The following CSMD3 variants were observed in gnomAD, a reference collection of about 807,000 sequenced individuals.
CSMD3 encodes the protein CUB and sushi domain-containing protein 3.
A neutral mutation model predicts 435.2 loss-of-function variants in CSMD3; 177 were observed. The ratio of observed to expected loss-of-function variants is 0.41; its 90% confidence interval spans 0.36 to 0.46. The LOEUF is 0.46. Ranked by LOEUF, CSMD3 falls within the 20% of genes least tolerant of loss-of-function variation. CSMD3 has a pLI of 0.34. For synonymous variants in CSMD3, 1,656 were observed against 1,520.5 expected, an observed-to-expected ratio of 1.09 and a Z score of -2.07; for missense variants, 4,265 against 4,504.6, an observed-to-expected ratio of 0.95 and a Z score of 1.52.
intron 32 of CSMD3, among the ~76,000 whole-genome samples, chr8:112,448,277 T>C (rs1815850989): frequency 6.6e-6 from 1 of 152,168 alleles, no homozygotes; most frequent in Non-Finnish European, 1.5e-5. Flanking sequence ...GCCCCACCTT[T>C]ATGGCCTCAT....
intron 3 of CSMD3, among the ~76,000 whole-genome samples, chr8:113,204,956 C>G (rs1049136099): frequency 6.7e-5 from 10 of 150,114 alleles, no homozygotes; most frequent in African/African-American, 2.5e-4. Context: ...TGGCAGCAGG[C>G]AAAAAGAGAG....
chr8:113,044,693 C>T (rs2087758681), intron 5 of CSMD3, among the ~76,000 whole-genome samples: 1 of 148,884 alleles, frequency 6.7e-6, no homozygotes, highest in African/African-American at 2.4e-5. Flanking sequence ...ATAAATGTGG[C>T]CCACATGTTA....
intron 12 of CSMD3, among the ~76,000 whole-genome samples, chr8:112,809,791 A>T (rs916782902): frequency 6.7e-6 from 1 of 148,562 alleles, no homozygotes; most frequent in Non-Finnish European, 1.5e-5. Flanking sequence ...ATTTAAGTTA[A>T]AAAAAAACTT....
At chr8:112,241,935 C>G (rs1340479798) in intron 65 of CSMD3, 150 bp from the exon 66 acceptor site, 1 of 700,374 alleles carries the variant, frequency 1.4e-6, no homozygotes, top group Non-Finnish European at 2.6e-6. Context: ...CTAAAATGTT[C>G]CGTTCATCAC....
Position 112,263,247 on chromosome 8 carries a change from T to C in CSMD3, c.9862+392A>G, listed in dbSNP as rs560098116. Reference sequence around the variant, plus strand: ...CCAATCATTATCATGACAAATGCCATCATAAGAACTTTATTTGAATAAACA... The same window carrying C: ...CCAATCATTATCATGACAAATGCCACCATAAGAACTTTATTTGAATAAACA... On this transcript the variant is annotated intron_variant, in intron 61 of 70. Transcript: ENST00000297405. Among the ~76,000 whole-genome samples, 270 of 151,860 alleles carry C rather than the reference T, an allele frequency of 1.8e-3. 1 individual carries two copies. The highest frequency in any genetic ancestry group is 6.1e-3 in the African/African-American group (253 of 41,456).
At chr8:112,708,456 G>A (rs1359870113) in intron 13 of CSMD3, among the ~76,000 whole-genome samples, 3 of 151,710 alleles carry the variant, frequency 2.0e-5, no homozygotes, top group Non-Finnish European at 4.4e-5. Flanking sequence ...AAAGGAATTG[G>A]GATTCATTTT....
intron 38 of CSMD3, among the ~76,000 whole-genome samples, chr8:112,373,112 A>C (rs532414113): frequency 6.6e-6 from 1 of 151,276 alleles, no homozygotes. Flanking sequence ...CTAAGAAAGA[A>C]CACCTGCCAT....
At chr8:112,869,656 G>C (rs914799471) in intron 10 of CSMD3, among the ~76,000 whole-genome samples, 3 of 152,106 alleles carry the variant, frequency 2.0e-5, no homozygotes, top group Non-Finnish European at 4.4e-5. Flanking sequence ...TGATAGACTG[G>C]ATAAAGAAAA....
intron 27 of CSMD3, among the ~76,000 whole-genome samples, chr8:112,548,690 A>C (rs569858905): frequency 6.6e-6 from 1 of 152,272 alleles, no homozygotes; most frequent in East Asian, 1.9e-4. Context: ...ATTCATGAAA[A>C]GAATATTTTC....
intron 11 of CSMD3, 23 bp downstream of exon 11, chr8:112,859,122 A>C (rs1442257294): frequency 6.2e-7 from 1 of 1,602,820 alleles, no homozygotes; most frequent in Non-Finnish European, 8.5e-7. Flanking sequence ...TTTTTTTTTA[A>C]ATCACAGATG....
At chr8:112,643,893 C>T (rs990867902) in intron 20 of CSMD3, among the ~76,000 whole-genome samples, 1 of 151,994 alleles carries the variant, frequency 6.6e-6, no homozygotes, top group Non-Finnish European at 1.5e-5. Flanking sequence ...CAAAGGCAAA[C>T]TTTATTTCTG....
intron 5 of CSMD3, among the ~76,000 whole-genome samples, chr8:113,074,568 T>C (rs1278330860): frequency 3.3e-5 from 5 of 151,954 alleles, no homozygotes; most frequent in East Asian, 1.9e-4. Flanking sequence ...AATGGAATTA[T>C]GTATCATATA....
rs2085977259 is a variant in CSMD3, at chr8:113,004,375, AG to A, written c.1030+14691del. 2.0e-5 allele frequency among the ~76,000 whole-genome samples: 3 copies of A among 151,750 alleles called. No individual in the cohort carries two copies. In the South Asian group the frequency reaches 6.2e-4, roughly 31 times the overall value. On this transcript the variant is annotated intron_variant, in intron 6 of 70. Coordinates refer to ENST00000297405, the MANE Select transcript of CSMD3 (RefSeq NM_198123.2). ...TAAATTATACAGGAAGAATTCTCAC[AG>A]GAAGATACAAGTATTGCAAGGTCAT... is the stretch of plus-strand genomic sequence containing the variant.
intron 9 of CSMD3, among the ~76,000 whole-genome samples, chr8:112,929,125 T>C (rs2083012216): frequency 6.7e-6 from 1 of 148,840 alleles, no homozygotes; most frequent in African/African-American, 2.5e-5. Flanking sequence ...GCCCACTTTT[T>C]GATGGGGTTG....
At chr8:112,313,687 C>T (rs1266695935) in intron 49 of CSMD3, among the ~76,000 whole-genome samples, 1 of 151,612 alleles carries the variant, frequency 6.6e-6, no homozygotes, top group Non-Finnish European at 1.5e-5. Context: ...CATAAATATC[C>T]TAAATGCTTT....
chr8:112,923,027 G>C (rs552111951), intron 9 of CSMD3, among the ~76,000 whole-genome samples: 1 of 152,042 alleles, frequency 6.6e-6, no homozygotes, highest in African/African-American at 2.4e-5. Context: ...TTTCTGTCTT[G>C]CATTTCACAA....
intron 22 of CSMD3, among the ~76,000 whole-genome samples, chr8:112,614,347 T>C (rs1833503844): frequency 6.6e-6 from 1 of 152,144 alleles, no homozygotes; most frequent in Non-Finnish European, 1.5e-5. Context: ...CTAGGATCAC[T>C]ATATGTTTGT....
At chr8:113,208,942 C>T (rs554409832) in intron 3 of CSMD3, among the ~76,000 whole-genome samples, 3 of 151,966 alleles carry the variant, frequency 2.0e-5, no homozygotes, top group Non-Finnish European at 4.4e-5. Context: ...AATTAAAACA[C>T]CCATTTGAAA....
intron 24 of CSMD3, among the ~76,000 whole-genome samples, chr8:112,565,909 T>C (rs1324867364): frequency 6.6e-6 from 1 of 151,902 alleles, no homozygotes; most frequent in African/African-American, 2.4e-5. Context: ...ATGAACAATA[T>C]GAATGATAGC....
Sources: allele counts gnomAD v4.1 joint callset (sites outside exome capture counted in the v4.1 genomes callset), GRCh38; gene constraint gnomAD v4.1.1; transcripts MANE v1.5; gene names NCBI Gene and HGNC (gene_info 2026-07-23, HGNC 2026-07-21).